The following FHIT variants were observed in gnomAD, a reference collection of about 807,000 sequenced individuals.
FHIT encodes bis(5'-adenosyl)-triphosphatase.
Under a neutral mutation model 17.9 loss-of-function variants are expected in FHIT, and 19 were observed. The observed-to-expected ratio is 1.06, with a 90% CI of 0.74 to 1.56. FHIT has a LOEUF of 1.56. FHIT is among the 40% of genes most tolerant of loss of function. The pLI is 0.00. For synonymous variants in FHIT, 81 were observed against 69.7 expected, an observed-to-expected ratio of 1.16 and a Z score of -0.81; for missense variants, 248 against 189.2, an observed-to-expected ratio of 1.31 and a Z score of -1.82.
At chr3:60,901,648 C>T (rs1706118750) in intron 3 of FHIT, among the ~76,000 whole-genome samples, 2 of 152,120 alleles carry the variant, frequency 1.3e-5, no homozygotes, top group South Asian at 2.1e-4. Flanking sequence ...TAAGTATTAC[C>T]CTCTGCTAAC....
intron 8 of FHIT, among the ~76,000 whole-genome samples, chr3:59,794,403 C>A (rs75306001): frequency 0.043 from 6,570 of 152,240 alleles, 405 homozygotes; most frequent in African/African-American, 0.14. Context: ...AGAGATGAAA[C>A]TTACAGAGGA....
At chr3:61,162,177 T>C (rs1335954958) in intron 2 of FHIT, among the ~76,000 whole-genome samples, 1 of 152,140 alleles carries the variant, frequency 6.6e-6, no homozygotes, top group East Asian at 1.9e-4. Flanking sequence ...CTTGAAGAAA[T>C]TTTTTTCTCT....
chr3:60,391,509 A>C (rs536299579), intron 5 of FHIT, among the ~76,000 whole-genome samples: 1 of 152,150 alleles, frequency 6.6e-6, no homozygotes, highest in Non-Finnish European at 1.5e-5. Flanking sequence ...CATCCTGAGC[A>C]ACTTCCAGTC....
chr3:61,204,602 A>T (rs1306400675), intron 1 of FHIT, among the ~76,000 whole-genome samples: 1 of 151,690 alleles, frequency 6.6e-6, no homozygotes, highest in Non-Finnish European at 1.5e-5. Flanking sequence ...GTCAGGAATC[A>T]GGGTAAGTAC....
intron 8 of FHIT, among the ~76,000 whole-genome samples, chr3:59,911,584 G>T (rs1378967954): frequency 6.6e-6 from 1 of 152,210 alleles, no homozygotes; most frequent in East Asian, 1.9e-4. Flanking sequence ...TGTGCCTCTA[G>T]ACTAAGCCTC....
chr3:59,821,058 AAT>A (rs1329103160), intron 8 of FHIT, among the ~76,000 whole-genome samples: 1 of 152,142 alleles, frequency 6.6e-6, no homozygotes, highest in Non-Finnish European at 1.5e-5. Flanking sequence ...AGCAGTTGGA[AAT>A]ATGAGTCTAA....
chr3:60,421,812 G>A (rs1167426659), intron 5 of FHIT, among the ~76,000 whole-genome samples: 1 of 152,078 alleles, frequency 6.6e-6, no homozygotes, highest in African/African-American at 2.4e-5. Flanking sequence ...TTGAGAATTG[G>A]GAAAATACAG....
At chr3:60,954,296 C>G (rs1709019876) in intron 3 of FHIT, among the ~76,000 whole-genome samples, 1 of 152,204 alleles carries the variant, frequency 6.6e-6, no homozygotes. Context: ...GGTATTTACA[C>G]TTGGCAGCTA....
intron 4 of FHIT, among the ~76,000 whole-genome samples, chr3:60,569,938 A>C (rs906697945): frequency 2.0e-5 from 3 of 151,642 alleles, no homozygotes; most frequent in African/African-American, 7.3e-5. Context: ...ATTCACCCAA[A>C]TGATACAATT....
At chr3:60,552,330 G>T (rs1332118277) in intron 4 of FHIT, among the ~76,000 whole-genome samples, 1 of 152,216 alleles carries the variant, frequency 6.6e-6, no homozygotes, top group East Asian at 1.9e-4. Flanking sequence ...TTCAATTATT[G>T]AACGTACACC....
chr3:61,123,127 T>C (rs1006656288), intron 2 of FHIT, among the ~76,000 whole-genome samples: 3 of 151,984 alleles, frequency 2.0e-5, no homozygotes, highest in African/African-American at 7.3e-5. Flanking sequence ...ATAGACTGGA[T>C]AAAGAAAATG....
At chr3:60,132,281 G>A (rs13080137) in intron 5 of FHIT, among the ~76,000 whole-genome samples, 26,894 of 152,086 alleles carry the variant, frequency 0.18, 2,921 homozygotes, top group Non-Finnish European at 0.25. Flanking sequence ...ACAAGCCTCC[G>A]GAGGATGGAA....
chr3:60,431,410 C>T (rs1702898159), intron 5 of FHIT, among the ~76,000 whole-genome samples: 1 of 151,946 alleles, frequency 6.6e-6, no homozygotes, highest in Non-Finnish European at 1.5e-5. Flanking sequence ...TCACTCTTAT[C>T]CGTAGAATCA....
chr3:60,991,071 A>T (rs937322308), intron 3 of FHIT, among the ~76,000 whole-genome samples: 1 of 152,216 alleles, frequency 6.6e-6, no homozygotes, highest in Non-Finnish European at 1.5e-5. Flanking sequence ...AACGTGATAG[A>T]GAGACAGGTC....
At chr3:60,441,732 A>ATATATATATT (rs1295567049) in intron 5 of FHIT, among the ~76,000 whole-genome samples, 24 of 90,084 alleles carry the variant, frequency 2.7e-4, no homozygotes, top group African/African-American at 6.5e-4. Flanking sequence ...ATTTGTATTT[A>ATATATATATT]TATATATATA....
intron 3 of FHIT, among the ~76,000 whole-genome samples, chr3:60,879,727 A>G (rs1553757461): frequency 1.3e-5 from 2 of 151,908 alleles, no homozygotes; most frequent in African/African-American, 4.8e-5. Context: ...ATATTATAAA[A>G]AATAATTCAA....
chr3:60,774,356 A>T (rs1446065225), intron 4 of FHIT, among the ~76,000 whole-genome samples: 1 of 152,120 alleles, frequency 6.6e-6, no homozygotes, highest in Non-Finnish European at 1.5e-5. Flanking sequence ...GCTGGGGTGC[A>T]ATGGTGTGAT....
intron 5 of FHIT, among the ~76,000 whole-genome samples, chr3:60,283,543 T>C (rs184385787): frequency 7.0e-4 from 106 of 152,212 alleles, no homozygotes; most frequent in African/African-American, 2.4e-3. Flanking sequence ...ATCTCAAATG[T>C]AGATTACAAA....
intron 3 of FHIT, among the ~76,000 whole-genome samples, chr3:60,860,170 G>A (rs1405896099): frequency 0.043 from 3,472 of 80,010 alleles, 645 homozygotes; most frequent in African/African-American, 0.088. Flanking sequence ...TACATCATAT[G>A]TATATATGGT....
Sources: allele counts gnomAD v4.1 joint callset (sites outside exome capture counted in the v4.1 genomes callset), GRCh38; gene constraint gnomAD v4.1.1; transcripts MANE v1.5; gene names NCBI Gene and HGNC (gene_info 2026-07-23, HGNC 2026-07-21).